Variants in COL14A1 observed in about 807,000 individuals in gnomAD.
COL14A1 encodes collagen alpha-1(XIV) chain.
In COL14A1, 136 loss-of-function variants were observed where a neutral mutation model predicts 230.3. The ratio of observed to expected loss-of-function variants is 0.59; its 90% CI spans 0.51 to 0.68. The LOEUF (loss-of-function observed/expected upper bound fraction) is 0.68. Ranked by LOEUF, COL14A1 falls within the 30% of genes least tolerant of loss-of-function variation. The pLI is 0.00. For missense variants in COL14A1, 1,976 were observed against 2,215.8 expected (o/e 0.89, Z 2.17); for synonymous variants, 792 against 784.1 (o/e 1.01, Z -0.17).
At chr8:120,151,036 A>G (rs1353811599) in intron 2 of COL14A1, among the ~76,000 whole-genome samples, 3 of 151,762 alleles carry the variant, frequency 2.0e-5, no homozygotes, top group African/African-American at 7.3e-5. Flanking sequence ...GAGTCAGGGG[A>G]ATGTAGTGGA....
At chr8:120,338,600 A>T (rs1246795205) in intron 42 of COL14A1, among the ~76,000 whole-genome samples, 1 of 152,210 alleles carries the variant, frequency 6.6e-6, no homozygotes, top group Non-Finnish European at 1.5e-5. Flanking sequence ...GTAAGCACTA[A>T]ATAAGTTAAT....
intron 23 of COL14A1, among the ~76,000 whole-genome samples, chr8:120,261,828 G>A (rs760317986): frequency 3.3e-5 from 5 of 151,796 alleles, no homozygotes; most frequent in Non-Finnish European, 5.9e-5. Context: ...TGGATGCAGG[G>A]CATTTGGAGA....
intron 33 of COL14A1, among the ~76,000 whole-genome samples, chr8:120,286,660 C>T (rs1820213872): frequency 6.6e-6 from 1 of 152,170 alleles, no homozygotes; most frequent in African/African-American, 2.4e-5. Flanking sequence ...CAGGCATCTG[C>T]CACCATGCTT....
At chr8:120,200,549 C>G (rs1817202751) in intron 8 of COL14A1, among the ~76,000 whole-genome samples, 1 of 150,884 alleles carries the variant, frequency 6.6e-6, no homozygotes, top group Non-Finnish European at 1.5e-5. Flanking sequence ...ATTGAACTAT[C>G]CAGGGAGAAG....
chr8:120,251,717 A>C (rs1255851128), intron 22 of COL14A1, among the ~76,000 whole-genome samples: 1 of 152,182 alleles, frequency 6.6e-6, no homozygotes, highest in Non-Finnish European at 1.5e-5. Flanking sequence ...ACAGAAAATC[A>C]GTATTTTTAT....
chr8:120,146,748 C>T (rs933198740), intron 1 of COL14A1, among the ~76,000 whole-genome samples: 1 of 151,984 alleles, frequency 6.6e-6, no homozygotes. Flanking sequence ...TTATCTGATC[C>T]ATTATGTTTA....
intron 5 of COL14A1, among the ~76,000 whole-genome samples, chr8:120,187,841 G>A (rs531886469): frequency 2.0e-5 from 3 of 152,272 alleles, no homozygotes; most frequent in South Asian, 4.2e-4. Flanking sequence ...CTAGATTTAC[G>A]TAACATAGAG....
intron 45 of COL14A1, 69 bp from the exon 46 acceptor site, chr8:120,367,102 G>A: frequency 7.4e-7 from 1 of 1,346,922 alleles, no homozygotes. Flanking sequence ...TCGAACTCCA[G>A]AAAAATGGAA....
intron 2 of COL14A1, among the ~76,000 whole-genome samples, chr8:120,154,043 A>G (rs1002361200): frequency 6.6e-6 from 1 of 152,190 alleles, no homozygotes; most frequent in Non-Finnish European, 1.5e-5. Flanking sequence ...ATGCTGTCAT[A>G]TAAGGAAGAG....
chr8:120,262,968 G>C lies in COL14A1; in HGVS notation c.2970G>C (p.Lys990Asn), dbSNP rs759583841. The C allele has an allele frequency of 2.5e-6, 4 of 1,613,258 alleles. 1 individual carries two copies. The highest frequency in any genetic ancestry group is 3.3e-5 in the Admixed American group (2 of 59,902). Residue 990 changes from lysine to asparagine, a missense_variant, in exon 24 of 48, where the codon AAG (lysine) becomes AAC (asparagine). By Grantham distance (94) the Lys-to-Asn change is moderately conservative (BLOSUM62 0). Transcript: ENST00000297848. ...AATATAAAATCAGTGTTTATACAAA[G>C]CTCCAGGAGATTGAAGGACCTAGTG... ...DSEYKISVYT[K>N]LQEIEGPSVS... is the part of the protein sequence containing the mutation.
chr8:120,265,765 T>C (rs957096937), intron 24 of COL14A1, among the ~76,000 whole-genome samples: 2 of 152,094 alleles, frequency 1.3e-5, no homozygotes, highest in African/African-American at 2.4e-5. Flanking sequence ...TTTAGTAATA[T>C]ATAGTTACCT....
Position 120,207,041 on chromosome 8 carries a change from G to A in COL14A1, c.1138G>A (p.Val380Met). 6.2e-6 allele frequency: 10 copies of A among 1,613,864 alleles called. No individual in the cohort carries two copies. Among genetic ancestry groups the A allele is most frequent in the Non-Finnish European group, 8.5e-6 (10 of 1,179,908 alleles). Reference protein sequence around the residue: ...MVNWTHAPGNVEKYRVVYYPT... With the variant: ...MVNWTHAPGNMEKYRVVYYPT... ...TAACTGGACTCATGCCCCAGGAAATGTGGAAAAATACAGAGTTGTGTATTA... is the reference window on the plus strand; with the variant it reads ...TAACTGGACTCATGCCCCAGGAAATATGGAAAAATACAGAGTTGTGTATTA... The change falls in exon 10 of 48, where the codon GTG (valine) becomes ATG (methionine). Residue 380 changes from valine (V) to methionine (M), a missense_variant. By Grantham distance (21) the Val-to-Met change is conservative (BLOSUM62 1). This residue lies in a region of COL14A1 where 1,791 missense variants were observed against 2,019.5 expected (regional missense o/e 0.89). Coordinates refer to ENST00000297848, the MANE Select transcript of COL14A1 (RefSeq NM_021110.4).
intron 34 of COL14A1, among the ~76,000 whole-genome samples, chr8:120,293,215 T>G (rs951190976): frequency 1.3e-5 from 2 of 152,032 alleles, no homozygotes; most frequent in Non-Finnish European, 2.9e-5. Context: ...TTTAGCTCCC[T>G]GCTGTTCAAA....
At chr8:120,318,763 C>G (rs1279682238) in intron 40 of COL14A1, among the ~76,000 whole-genome samples, 1 of 152,132 alleles carries the variant, frequency 6.6e-6, no homozygotes, top group Non-Finnish European at 1.5e-5. Flanking sequence ...ATTACAACAA[C>G]AATAACAACC....
At chr8:120,210,865 T>G (rs908277618) in intron 12 of COL14A1, among the ~76,000 whole-genome samples, 3 of 152,190 alleles carry the variant, frequency 2.0e-5, no homozygotes, top group Non-Finnish European at 2.9e-5. Context: ...TTCCAAGGCT[T>G]AGATGGCTTT....
intron 5 of COL14A1, among the ~76,000 whole-genome samples, chr8:120,174,783 G>A (rs1816219645): frequency 6.6e-6 from 1 of 152,130 alleles, no homozygotes; most frequent in South Asian, 2.1e-4. Context: ...GAGAGCGCTG[G>A]TTATGTGAGA....
rs556656697 is a variant in COL14A1 at position 120,263,928 on chromosome 8, CT to C, written c.3016+916del. ...AATACAAAGACTTTATTTCACAACA[CT>C]TAAATATGCAGTATTTCATATTCCA... On this transcript the variant is annotated intron_variant, in intron 24 of 47. Coordinates refer to ENST00000297848, the MANE Select transcript of COL14A1 (RefSeq NM_021110.4). Among the ~76,000 whole-genome samples the C allele has an allele frequency of 2.8e-4, 42 of 152,236 alleles. No individual in the cohort carries two copies. In the East Asian group the frequency reaches 5.0e-3, roughly 18 times the overall value.
chr8:120,341,999 A>G (rs1421009118), intron 43 of COL14A1, among the ~76,000 whole-genome samples: 2 of 152,204 alleles, frequency 1.3e-5, no homozygotes, highest in Admixed American at 6.5e-5. Context: ...AATGGGTTTA[A>G]CATCTTTCCT....
intron 1 of COL14A1, among the ~76,000 whole-genome samples, chr8:120,127,522 A>T (rs1220443526): frequency 6.6e-6 from 1 of 152,194 alleles, no homozygotes; most frequent in Non-Finnish European, 1.5e-5. Context: ...AGGATTTCAG[A>T]GAACTCTTGG....
Sources: gnomAD v4.1 joint callset for allele counts (sites outside exome capture counted in the v4.1 genomes callset) on GRCh38, gnomAD v4.1.1 for gene constraint, gnomAD v4.1.1 regional missense constraint, MANE v1.5 for transcripts, NCBI Gene and HGNC (gene_info 2026-07-23, HGNC 2026-07-21) for gene names.